The following KCNJ16 variants were observed in gnomAD, a reference collection of about 807,000 sequenced individuals.
The protein encoded by KCNJ16 is inward rectifier potassium channel 16.
Under a neutral mutation model 18.5 loss-of-function variants are expected in KCNJ16, and 15 were observed. That is an observed-to-expected ratio of 0.81 (90% CI 0.54 to 1.25). The LOEUF (loss-of-function observed/expected upper bound fraction) is 1.25, where lower values mean the gene tolerates loss of function less well. Among genes scored for constraint, KCNJ16 ranks in the 50% most tolerant of loss-of-function variants. The pLI is 0.00. For synonymous variants in KCNJ16, 174 were observed against 186.5 expected, an observed-to-expected ratio of 0.93 and a Z score of 0.55; for missense variants, 523 against 525.7, an observed-to-expected ratio of 0.99 and a Z score of 0.05.
At chr17:70,125,766 T>G (rs930981884) in intron 2 of KCNJ16, among the ~76,000 whole-genome samples, 1 of 151,956 alleles carries the variant, frequency 6.6e-6, no homozygotes, top group Non-Finnish European at 1.5e-5. Context: ...CCATCTCTAC[T>G]AAAAATACAA....
chr17:70,080,586 AT>A (rs1020274410), intron 1 of KCNJ16, among the ~76,000 whole-genome samples: 7 of 151,636 alleles, frequency 4.6e-5, no homozygotes, highest in African/African-American at 1.5e-4. Context: ...TGTAAGGTTT[AT>A]TTTTTTTAAT....
chr17:70,111,590 G>A (rs1327804684), intron 2 of KCNJ16, among the ~76,000 whole-genome samples: 1 of 152,064 alleles, frequency 6.6e-6, no homozygotes, highest in Non-Finnish European at 1.5e-5. Context: ...GGGTACATAT[G>A]CTCGCAGACA....
intron 1 of KCNJ16, among the ~76,000 whole-genome samples, chr17:70,082,144 A>G (rs2071583504): frequency 6.6e-6 from 1 of 152,206 alleles, no homozygotes; most frequent in Admixed American, 6.5e-5. Flanking sequence ...ACTGACAGAA[A>G]AAACAACTGT....
chr17:70,124,897 T>TG (rs1306261836), intron 2 of KCNJ16, among the ~76,000 whole-genome samples: 8 of 147,096 alleles, frequency 5.4e-5, no homozygotes, highest in African/African-American at 1.8e-4. Context: ...TGGGTGTGTG[T>TG]TTGTGTGTGT....
rs922963417 is a variant in KCNJ16 at position 70,134,642 on chromosome 17, C to T, written c.*1298C>T. The stretch of plus-strand genomic sequence containing the variant: ...AAGAGTCACTTTAAACTTTATAAAT[C>T]AAAGAGATATTAGGAACATTCAGAA... On this transcript the variant is annotated 3_prime_UTR_variant, in exon 4 of 4. Transcript: ENST00000392671. The T allele has an allele frequency of 6.0e-6, 1 of 166,996 alleles. No individual in the cohort carries two copies. Among genetic ancestry groups the T allele is most frequent in the South Asian group, 2.1e-4 (1 of 4,830 alleles). The allele number at this position is 166,996 out of a possible 1,614,324, so 10.3% of individuals were successfully genotyped here. A position where few individuals can be genotyped will look rare whatever the true frequency, so the allele number is the denominator to read the frequency against.
chr17:70,103,459 G>A (rs1448195465), intron 2 of KCNJ16, among the ~76,000 whole-genome samples: 1 of 151,156 alleles, frequency 6.6e-6, no homozygotes, highest in African/African-American at 2.4e-5. Flanking sequence ...GAGACACTAT[G>A]CCCGACCACA....
Position 70,133,970 on chromosome 17 carries a change from G to A in KCNJ16, c.*626G>A, listed in dbSNP as rs1176989184. On this transcript the variant is annotated 3_prime_UTR_variant, in exon 4 of 4. Transcript: ENST00000392671. Reference sequence around the variant, plus strand: ...CTTGCCCAGGTAGTGATCAGTGAGAGTTAGAAGCAATTTTTTCTCTAACCG... The same window carrying A: ...CTTGCCCAGGTAGTGATCAGTGAGAATTAGAAGCAATTTTTTCTCTAACCG... 1 of 167,120 alleles carries A rather than the reference G, an allele frequency of 6.0e-6. No individual in the cohort carries two copies. The highest frequency in any genetic ancestry group is 1.9e-4 in the East Asian group (1 of 5,200). The allele number at this position is 167,120 out of a possible 1,614,324, so 10.4% of individuals were successfully genotyped here.
chr17:70,095,852 A>T (rs2072335930), intron 1 of KCNJ16, among the ~76,000 whole-genome samples: 1 of 131,164 alleles, frequency 7.6e-6, no homozygotes, highest in East Asian at 2.2e-4. Context: ...ATAATTTGGC[A>T]TTTTATATTA....
chr17:70,113,690 G>A (rs2073282317), intron 2 of KCNJ16, among the ~76,000 whole-genome samples: 1 of 152,076 alleles, frequency 6.6e-6, no homozygotes, highest in East Asian at 1.9e-4. Flanking sequence ...TTCTTTTTAA[G>A]GAAAATATTA....
intron 1 of KCNJ16, among the ~76,000 whole-genome samples, chr17:70,081,255 GT>G (rs1191861563): frequency 6.6e-6 from 1 of 152,168 alleles, no homozygotes; most frequent in Admixed American, 6.5e-5. Context: ...AGAACGTGGA[GT>G]GGCTAATTTG....
At chr17:70,125,930 CA>C (rs891672447) in intron 2 of KCNJ16, among the ~76,000 whole-genome samples, 58 of 128,308 alleles carry the variant, frequency 4.5e-4, no homozygotes, top group South Asian at 8.0e-4. Flanking sequence ...GTTTCCGTCT[CA>C]AAAAAAAAAA....
intron 1 of KCNJ16, among the ~76,000 whole-genome samples, chr17:70,087,482 A>G (rs2071862310): frequency 6.6e-6 from 1 of 152,114 alleles, no homozygotes. Context: ...TGGGCGGATC[A>G]TTTGAGGTCA....
intron 2 of KCNJ16, among the ~76,000 whole-genome samples, chr17:70,124,828 A>G (rs2073793086): frequency 1.3e-5 from 2 of 152,204 alleles, no homozygotes; most frequent in African/African-American, 4.8e-5. Flanking sequence ...GCTCGTTCCT[A>G]AAGTAATACA....
chr17:70,104,455 G>C (rs1490871939), intron 2 of KCNJ16, among the ~76,000 whole-genome samples: 1 of 152,184 alleles, frequency 6.6e-6, no homozygotes, highest in Non-Finnish European at 1.5e-5. Context: ...AAATGATGTT[G>C]GGCAAGATGC....
intron 1 of KCNJ16, among the ~76,000 whole-genome samples, chr17:70,097,777 T>C (rs1455896528): frequency 3.9e-5 from 6 of 152,154 alleles, no homozygotes; most frequent in Non-Finnish European, 8.8e-5. Context: ...ACCTTGACTC[T>C]TTCCCATCCT....
At chr17:70,086,494 T>C (rs2071801594) in intron 1 of KCNJ16, among the ~76,000 whole-genome samples, 1 of 152,218 alleles carries the variant, frequency 6.6e-6, no homozygotes, top group South Asian at 2.1e-4. Context: ...CAAAAAGCTG[T>C]TAAGATTGTT....
chr17:70,121,689 G>C (rs2073645375), intron 2 of KCNJ16, among the ~76,000 whole-genome samples: 1 of 152,126 alleles, frequency 6.6e-6, no homozygotes, highest in Non-Finnish European at 1.5e-5. Context: ...GAGCACTTTG[G>C]GAGGCTGAGG....
intron 1 of KCNJ16, among the ~76,000 whole-genome samples, chr17:70,088,311 C>T (rs531132983): frequency 2.0e-5 from 3 of 152,324 alleles, no homozygotes; most frequent in South Asian, 2.1e-4. Flanking sequence ...CTAGATCCCT[C>T]GGATGTGCAG....
chr17:70,124,920 G>A (rs1217326413), intron 2 of KCNJ16, among the ~76,000 whole-genome samples: 2 of 152,074 alleles, frequency 1.3e-5, no homozygotes, highest in Non-Finnish European at 2.9e-5. Flanking sequence ...GTTCAGATAT[G>A]GGTGTTGACA....
Sources: allele counts gnomAD v4.1 joint callset (sites outside exome capture counted in the v4.1 genomes callset), GRCh38; gene constraint gnomAD v4.1.1; transcripts MANE v1.5; gene names NCBI Gene and HGNC (gene_info 2026-07-23, HGNC 2026-07-21).